The following CC2D2B variants were observed in gnomAD, a reference collection of about 807,000 sequenced individuals.
CC2D2B encodes coiled-coil and C2 domain containing 2B, also known as protein CC2D2B.
Under a neutral mutation model 161.2 loss-of-function variants are expected in CC2D2B, and 128 were observed. The observed-to-expected ratio is 0.79, with a 90% CI of 0.69 to 0.92. The LOEUF (loss-of-function observed/expected upper bound fraction) is 0.92. Ranked by LOEUF, CC2D2B falls within the 40% of genes least tolerant of loss-of-function variation. The probability of loss-of-function intolerance (pLI) is 0.00; values close to 1 mark genes in which losing one functional copy is unlikely to be tolerated. For missense variants in CC2D2B, 1,173 were observed against 1,375.1 expected (o/e 0.85, Z 2.32); for synonymous variants, 391 against 449.8 (o/e 0.87, Z 1.65).
intron 24 of CC2D2B, among the ~76,000 whole-genome samples, chr10:96,001,256 T>C (rs1014861645): frequency 6.6e-6 from 1 of 152,186 alleles, no homozygotes; most frequent in African/African-American, 2.4e-5. Flanking sequence ...CATCTAAACA[T>C]TTTTTCAAAT....
intron 6 of CC2D2B, among the ~76,000 whole-genome samples, chr10:95,930,263 C>T (rs531751878): frequency 7.9e-5 from 12 of 152,148 alleles, no homozygotes; most frequent in Non-Finnish European, 1.6e-4. Flanking sequence ...GAGACTTTCC[C>T]GAAGTTGCTT....
At chr10:95,960,257 C>T (rs984060483) in intron 11 of CC2D2B, among the ~76,000 whole-genome samples, 5 of 152,116 alleles carry the variant, frequency 3.3e-5, no homozygotes, top group African/African-American at 1.2e-4. Context: ...TTGTTTCACA[C>T]TTCAGCTATG....
intron 9 of CC2D2B, among the ~76,000 whole-genome samples, chr10:95,943,222 G>C (rs2076082859): frequency 6.6e-6 from 1 of 152,140 alleles, no homozygotes; most frequent in Non-Finnish European, 1.5e-5. Context: ...TTGGCCTGCT[G>C]TACTTTCTGG....
chr10:95,918,090 AGTT>A (rs1398704924), intron 2 of CC2D2B, among the ~76,000 whole-genome samples: 1 of 152,088 alleles, frequency 6.6e-6, no homozygotes, highest in African/African-American at 2.4e-5. Context: ...AAGTTGTTGT[AGTT>A]ATTATTTTTG....
At position 95,947,114 on chromosome 10, in the gene CC2D2B, T is replaced by TATATATATATATATATATATA. The variant is rs1491386108; in HGVS notation, c.802-2782_802-2781insATATATATATATATATATATA. ...ATATATATATATATATATATATATA[T>TATATATATATATATATATATA]TTTTTTTTTTTTTTTTGAGACAAAG... On this transcript the variant is annotated intron_variant, in intron 9 of 34. Transcript: ENST00000646931. Among the ~76,000 whole-genome samples, 10 of 23,906 alleles carry TATATATATATATATATATATA rather than the reference T, an allele frequency of 4.2e-4. 1 individual carries two copies. Among genetic ancestry groups the TATATATATATATATATATATA allele is most frequent in the South Asian group, 3.4e-3 (2 of 592 alleles). 15.7% of individuals were successfully genotyped at this position (23,906 alleles called of 152,430 possible).
At chr10:95,965,773 A>C in intron 12 of CC2D2B, 123 bp from the exon 13 acceptor site, 1 of 374,224 alleles carries the variant, frequency 2.7e-6, no homozygotes, top group Non-Finnish European at 4.6e-6. Flanking sequence ...AATTACTTGT[A>C]AGAGATTGGT....
intron 14 of CC2D2B, among the ~76,000 whole-genome samples, chr10:95,967,000 T>C (rs945596802): frequency 6.6e-6 from 1 of 152,070 alleles, no homozygotes; most frequent in African/African-American, 2.4e-5. Context: ...CTCTATCCCA[T>C]GGCACACTTG....
intron 11 of CC2D2B, among the ~76,000 whole-genome samples, chr10:95,956,163 A>G (rs902696121): frequency 6.6e-6 from 1 of 152,190 alleles, no homozygotes; most frequent in Admixed American, 6.6e-5. Flanking sequence ...GCACCAAACA[A>G]CAGGCAAAGC....
At chr10:95,984,146 C>T (rs1000393930) in intron 19 of CC2D2B, among the ~76,000 whole-genome samples, 8 of 152,114 alleles carry the variant, frequency 5.3e-5, no homozygotes, top group African/African-American at 1.9e-4. Flanking sequence ...GAGACACTAC[C>T]ACAGTAAACT....
At chr10:95,910,835 A>G (rs551301808) in intron 1 of CC2D2B, among the ~76,000 whole-genome samples, 1 of 152,264 alleles carries the variant, frequency 6.6e-6, no homozygotes, top group African/African-American at 2.4e-5. Flanking sequence ...GAATTCATAC[A>G]TATTTTAATT....
intron 16 of CC2D2B, among the ~76,000 whole-genome samples, chr10:95,973,059 CT>C (rs1379072928): frequency 2.6e-5 from 4 of 151,444 alleles, no homozygotes; most frequent in Non-Finnish European, 5.9e-5. Context: ...CCCATTATTC[CT>C]TTCTTTCACC....
chr10:95,908,552 T>A (rs10786241), intron 1 of CC2D2B, among the ~76,000 whole-genome samples: 94,410 of 151,758 alleles, frequency 0.62, 29,944 homozygotes, highest in Admixed American at 0.7. Context: ...AAATTAAAGG[T>A]TGGAGATGCC....
intron 15 of CC2D2B, among the ~76,000 whole-genome samples, chr10:95,969,623 C>T (rs537561700): frequency 4.6e-5 from 7 of 152,046 alleles, no homozygotes; most frequent in East Asian, 1.9e-4. Context: ...TTTATAATGT[C>T]GAGAATAATT....
At position 95,971,321 on chromosome 10, in the gene CC2D2B, G is replaced by A. The variant is rs550822850; in HGVS notation, c.1645-745G>A. ...GGAGAATTGCTTGAACCCAGGAGGC[G>A]GAGGTTGCAGTGAGCAGTGATTGCA... On this transcript the variant is annotated intron_variant, in intron 15 of 34. Transcript: ENST00000646931. Among the ~76,000 whole-genome samples the A allele has an allele frequency of 4.0e-5, 6 of 151,436 alleles. No individual in the cohort carries two copies. In the East Asian group the frequency reaches 5.8e-4, roughly 15 times the overall value.
intron 17 of CC2D2B, among the ~76,000 whole-genome samples, chr10:95,975,490 T>C (rs980359356): frequency 6.6e-6 from 1 of 152,168 alleles, no homozygotes; most frequent in Non-Finnish European, 1.5e-5. Flanking sequence ...AGAATCAAGG[T>C]ACAGATTTCT....
Position 96,019,209 on chromosome 10 carries a change from G to A in CC2D2B, c.3637G>A (p.Val1213Met). The A allele has an allele frequency of 6.3e-7, 1 of 1,595,340 alleles. No homozygotes were observed. Among genetic ancestry groups the A allele is most frequent in the Non-Finnish European group, 8.5e-7 (1 of 1,173,958 alleles). The change falls in exon 31 of 35, where the codon GTG becomes ATG. Residue 1213 changes from valine to methionine, a missense_variant. Transcript: ENST00000646931. ...TTTCTTTTTTCTCATACAGGGGCAT[G>A]TGGCTTATGTAGTAACTCAAGAAAC... ...LLGTSVLEGH[V>M]AYVVTQETNE...
At chr10:95,917,704 C>T (rs1433319296) in intron 2 of CC2D2B, among the ~76,000 whole-genome samples, 2 of 152,088 alleles carry the variant, frequency 1.3e-5, no homozygotes, top group Non-Finnish European at 2.9e-5. Context: ...TTAACTTTAT[C>T]CCCCCTGCTT....
At chr10:96,026,503 T>C (rs899388604) in intron 33 of CC2D2B, among the ~76,000 whole-genome samples, 3 of 152,116 alleles carry the variant, frequency 2.0e-5, no homozygotes, top group East Asian at 1.9e-4. Flanking sequence ...CCAGACCAGA[T>C]GCGTGGATTT....
At chr10:95,940,853 T>G (rs534943703) in intron 9 of CC2D2B, among the ~76,000 whole-genome samples, 49 of 152,228 alleles carry the variant, frequency 3.2e-4, no homozygotes, top group Non-Finnish European at 4.0e-4. Context: ...AATGACATTT[T>G]TTTACAGAAA....
Sources: allele counts gnomAD v4.1 joint callset (sites outside exome capture counted in the v4.1 genomes callset), GRCh38; gene constraint gnomAD v4.1.1; transcripts MANE v1.5; gene names NCBI Gene and HGNC (gene_info 2026-07-23, HGNC 2026-07-21).